POU2F1: variants seen among roughly 807,000 people sequenced by gnomAD.
POU2F1 encodes POU class 2 homeobox 1.
In POU2F1, 16 loss-of-function variants were observed where a neutral mutation model predicts 84.9. That is an observed-to-expected ratio of 0.19 (90% CI 0.13 to 0.29). The LOEUF is 0.29. POU2F1 is among the 10% of genes least tolerant of loss of function. The pLI is 1.00. For synonymous variants in POU2F1, 368 were observed against 368.3 expected, an observed-to-expected ratio of 1.00 and a Z score of 0.01; for missense variants, 738 against 942.6, an observed-to-expected ratio of 0.78 and a Z score of 2.84.
At chr1:167,335,647 G>A (rs1557903348) in intron 2 of POU2F1, among the ~76,000 whole-genome samples, 1 of 152,192 alleles carries the variant, frequency 6.6e-6, no homozygotes. Flanking sequence ...AGTTGAGGTG[G>A]TCATCTGAGA....
At chr1:167,311,997 C>G (rs572023687) in intron 1 of POU2F1, among the ~76,000 whole-genome samples, 1 of 151,888 alleles carries the variant, frequency 6.6e-6, no homozygotes, top group African/African-American at 2.4e-5. Context: ...CAGGCTGGCG[C>G]ACTCTCGGCT....
chr1:167,401,414 T>TA, intron 12 of POU2F1, 37 bp from the exon 13 acceptor site: 1 of 1,429,356 alleles, frequency 7.0e-7, no homozygotes, highest in Non-Finnish European at 9.8e-7. Flanking sequence ...GTTTTGATTT[T>TA]AAGTGCTTTG....
At chr1:167,280,294 T>C (rs1011642644) in intron 1 of POU2F1, among the ~76,000 whole-genome samples, 25 of 151,836 alleles carry the variant, frequency 1.6e-4, no homozygotes, top group Non-Finnish European at 3.2e-4. Context: ...GTAGCAAATA[T>C]GCTTGGTGTT....
chr1:167,329,450 A>G (rs1009034119), intron 1 of POU2F1: 4 of 904,364 alleles, frequency 4.4e-6, no homozygotes, highest in Middle Eastern at 2.4e-4. Context: ...GGAGGAAAGC[A>G]TTTGCAAAGC....
At chr1:167,411,383 A>G (rs1649955160) in intron 13 of POU2F1, among the ~76,000 whole-genome samples, 1 of 151,248 alleles carries the variant, frequency 6.6e-6, no homozygotes, top group Admixed American at 6.6e-5. Flanking sequence ...CTTTTATGAG[A>G]TTCATAGTAT....
In POU2F1 at chr1:167,399,311, T is replaced by C; in HGVS notation, c.1395T>C (p.Ser465=). The change falls in exon 12 of 16, where the codon AGT becomes AGC. Residue 465 remains serine, a synonymous_variant. Transcript: ENST00000367866. The part of the protein sequence containing the change: ...QKEKRINPPS[S]GGTSSSPIKA... ...AAAAAAGAATCAACCCACCAAGCAG[T>C]GGTGGGACCAGCAGCTCACCTATTA... 2 of 1,614,106 alleles carry C rather than the reference T, an allele frequency of 1.2e-6. No individual in the cohort carries two copies. Among genetic ancestry groups the C allele is most frequent in the African/African-American group, 2.7e-5 (2 of 75,026 alleles).
At chr1:167,274,125 C>A (rs1652559271) in intron 1 of POU2F1, among the ~76,000 whole-genome samples, 3 of 152,078 alleles carry the variant, frequency 2.0e-5, no homozygotes. Context: ...TTGAGATTTT[C>A]TTTTTGTGTG....
At chr1:167,408,197 C>T (rs971871419) in intron 13 of POU2F1, among the ~76,000 whole-genome samples, 1 of 152,084 alleles carries the variant, frequency 6.6e-6, no homozygotes, top group Non-Finnish European at 1.5e-5. Context: ...ACTTTGTACT[C>T]ACTAGAATGG....
In POU2F1 at chr1:167,295,794, A is replaced by G. The variant is rs143316164; in HGVS notation, c.62-36676A>G. On this transcript the variant is annotated intron_variant, in intron 1 of 15. Coordinates refer to ENST00000367866, the MANE Select transcript of POU2F1 (RefSeq NM_002697.4). Reference sequence around the variant, plus strand: ...CCAGTGTAAAGTGAATGGGCCATAGAAGGCCTTCTTCTATACCAGGGAGAA... The same window carrying G: ...CCAGTGTAAAGTGAATGGGCCATAGGAGGCCTTCTTCTATACCAGGGAGAA... Among the ~76,000 whole-genome samples, 842 of 152,248 alleles carry G rather than the reference A, an allele frequency of 5.5e-3. 9 individuals carry two copies. The highest frequency in any genetic ancestry group is 0.019 in the African/African-American group (787 of 41,538).
chr1:167,414,414 A>G (rs1203457117), intron 15 of POU2F1: 5 of 985,262 alleles, frequency 5.1e-6, no homozygotes, highest in Non-Finnish European at 6.0e-6. Context: ...GTTCTGTACT[A>G]TTTGTATGAG....
At chr1:167,227,606 G>A (rs1229646082) in intron 1 of POU2F1, among the ~76,000 whole-genome samples, 1 of 152,102 alleles carries the variant, frequency 6.6e-6, no homozygotes, top group African/African-American at 2.4e-5. Context: ...TCATACTGCA[G>A]CAAGCAATAT....
At chr1:167,353,349 CTT>C (rs769922058) in intron 2 of POU2F1, among the ~76,000 whole-genome samples, 41 of 141,864 alleles carry the variant, frequency 2.9e-4, no homozygotes, top group Non-Finnish European at 3.7e-4. Context: ...CTACCTTCTC[CTT>C]TTTTTTTTTT....
intron 15 of POU2F1, among the ~76,000 whole-genome samples, chr1:167,415,256 G>C (rs1650224226): frequency 6.6e-6 from 1 of 152,202 alleles, no homozygotes; most frequent in Non-Finnish European, 1.5e-5. Context: ...GTTATTAGCT[G>C]TCTTCTACCC....
At chr1:167,394,860 C>CCTAATAAAAAATGTAGTATTCAATGTG in intron 9 of POU2F1, among the ~76,000 whole-genome samples, 2 of 152,192 alleles carry the variant, frequency 1.3e-5, no homozygotes, top group Admixed American at 1.3e-4. Context: ...CCAACTACCA[C>CCTAATAAAAAATGTAGTATTCAATGTG]CTAATAAAAA....
At chr1:167,253,667 TC>T (rs1456012603) in intron 1 of POU2F1, among the ~76,000 whole-genome samples, 4 of 152,102 alleles carry the variant, frequency 2.6e-5, no homozygotes, top group African/African-American at 9.7e-5. Context: ...GCTCAAGTGA[TC>T]CGCCGGCCTT....
At chr1:167,388,031 G>T (rs1036185583) in intron 8 of POU2F1, among the ~76,000 whole-genome samples, 1 of 152,152 alleles carries the variant, frequency 6.6e-6, no homozygotes, top group Admixed American at 6.5e-5. Flanking sequence ...CAATTTAAAG[G>T]TTTATGTACC....
At chr1:167,360,288 A>C (rs779092918) in intron 2 of POU2F1, among the ~76,000 whole-genome samples, 2 of 152,208 alleles carry the variant, frequency 1.3e-5, no homozygotes, top group Non-Finnish European at 2.9e-5. Context: ...CAATGTTTAC[A>C]AGAGTATCTC....
chr1:167,359,020 G>A (rs1404062444), intron 2 of POU2F1, among the ~76,000 whole-genome samples: 6 of 150,460 alleles, frequency 4.0e-5, no homozygotes, highest in Admixed American at 2.0e-4. Context: ...TTTTTTAATG[G>A]TATTCATTAT....
chr1:167,225,646 A>G (rs1648576205), intron 1 of POU2F1, among the ~76,000 whole-genome samples: 1 of 152,230 alleles, frequency 6.6e-6, no homozygotes, highest in South Asian at 2.1e-4. Context: ...TTTGAATGTT[A>G]TCTTTAAGTA....
Sources: allele counts gnomAD v4.1 joint callset (sites outside exome capture counted in the v4.1 genomes callset), GRCh38; gene constraint gnomAD v4.1.1; transcripts MANE v1.5; gene names NCBI Gene and HGNC (gene_info 2026-07-23, HGNC 2026-07-21).